Variants in P3H2 observed in about 807,000 individuals in gnomAD.
P3H2 encodes the protein leprecan-like 1.
A neutral mutation model predicts 87.0 loss-of-function variants in P3H2; 80 were observed. The observed-to-expected ratio is 0.92, with a 90% confidence interval of 0.77 to 1.11. P3H2 has a LOEUF of 1.11. Ranked by LOEUF, P3H2 falls within the 50% of genes least tolerant of loss-of-function variation. The pLI, the probability that P3H2 is intolerant of heterozygous loss-of-function variation, is 0.00. For synonymous variants in P3H2, 367 were observed against 359.3 expected (o/e 1.02, Z -0.24); for missense variants, 1,001 against 923.9 (o/e 1.08, Z -1.08).
At chr3:190,091,539 T>A (rs1727409246) in intron 1 of P3H2, among the ~76,000 whole-genome samples, 1 of 152,230 alleles carries the variant, frequency 6.6e-6, no homozygotes, top group Non-Finnish European at 1.5e-5. Flanking sequence ...TGTCTGTAAA[T>A]GGCTATTTGC....
At chr3:189,964,904 C>G (rs139450685) in intron 13 of P3H2, among the ~76,000 whole-genome samples, 433 of 152,368 alleles carry the variant, frequency 2.8e-3, no homozygotes, top group Non-Finnish European at 4.7e-3. Flanking sequence ...ATCAAACAAG[C>G]TGCCTCTTCA....
chr3:189,984,322 T>C (rs951318746), intron 7 of P3H2, among the ~76,000 whole-genome samples: 6 of 61,978 alleles, frequency 9.7e-5, no homozygotes, highest in East Asian at 1.2e-3. Context: ...AACCCTTTTT[T>C]TCCTGGAAAA....
chr3:189,996,996 A>G (rs1002476784), intron 1 of P3H2, among the ~76,000 whole-genome samples: 2 of 152,232 alleles, frequency 1.3e-5, no homozygotes, highest in African/African-American at 4.8e-5. Flanking sequence ...TTTTTAAAAA[A>G]TGGAATTAAT....
intron 1 of P3H2, among the ~76,000 whole-genome samples, chr3:190,044,107 A>G (rs1210115390): frequency 1.3e-5 from 2 of 152,230 alleles, no homozygotes; most frequent in African/African-American, 2.4e-5. Context: ...AAATAAATGC[A>G]GGGTCAAATA....
intron 8 of P3H2, among the ~76,000 whole-genome samples, chr3:189,982,088 C>T (rs1270288711): frequency 6.6e-6 from 1 of 152,118 alleles, no homozygotes; most frequent in Non-Finnish European, 1.5e-5. Flanking sequence ...TCTTGTCTTG[C>T]AATTCTTTCA....
intron 1 of P3H2, among the ~76,000 whole-genome samples, chr3:190,071,978 G>GTT (rs60227697): frequency 0.18 from 20,908 of 119,058 alleles, 1,957 homozygotes; most frequent in East Asian, 0.27. Context: ...AAGATGAAGG[G>GTT]TTTTTTTTTT....
chr3:190,096,507 C>T (rs1727592364), intron 1 of P3H2, among the ~76,000 whole-genome samples: 1 of 152,164 alleles, frequency 6.6e-6, no homozygotes, highest in African/African-American at 2.4e-5. Context: ...GTGTCAATTA[C>T]ACCTCTTTTC....
chr3:190,033,762 T>G (rs1725328990), intron 1 of P3H2, among the ~76,000 whole-genome samples: 1 of 152,220 alleles, frequency 6.6e-6, no homozygotes, highest in African/African-American at 2.4e-5. Context: ...TCCCCATGAT[T>G]TAAGCTATTT....
At chr3:190,005,883 T>C (rs1231619938) in intron 1 of P3H2, among the ~76,000 whole-genome samples, 1 of 152,220 alleles carries the variant, frequency 6.6e-6, no homozygotes, top group Non-Finnish European at 1.5e-5. Flanking sequence ...ACAGGCCACA[T>C]GCTCTTACTA....
At chr3:190,112,604 T>C (rs1399904829) in intron 1 of P3H2, among the ~76,000 whole-genome samples, 1 of 152,140 alleles carries the variant, frequency 6.6e-6, no homozygotes, top group Non-Finnish European at 1.5e-5. Context: ...AACAGGACAA[T>C]GCAGGGGTAG....
At chr3:190,010,973 C>T (rs1484857659) in intron 1 of P3H2, among the ~76,000 whole-genome samples, 1 of 152,118 alleles carries the variant, frequency 6.6e-6, no homozygotes, top group African/African-American at 2.4e-5. Flanking sequence ...CCTTGGTAGA[C>T]TCATTACGAC....
intron 11 of P3H2, among the ~76,000 whole-genome samples, chr3:189,972,374 C>T (rs1233307974): frequency 6.6e-6 from 1 of 152,108 alleles, no homozygotes; most frequent in African/African-American, 2.4e-5. Flanking sequence ...TAAAACTTCC[C>T]AAGTGTAAAA....
chr3:190,035,158 T>A (rs951709597), intron 1 of P3H2, among the ~76,000 whole-genome samples: 1 of 152,100 alleles, frequency 6.6e-6, no homozygotes, highest in Non-Finnish European at 1.5e-5. Context: ...CCCAAATGGC[T>A]ATTTTTTTCT....
intron 1 of P3H2, among the ~76,000 whole-genome samples, chr3:190,095,505 G>T (rs1039798782): frequency 3.3e-5 from 5 of 150,138 alleles, no homozygotes; most frequent in Non-Finnish European, 7.4e-5. Flanking sequence ...AATTTCTCTT[G>T]GGTTCCACAG....
intron 6 of P3H2, among the ~76,000 whole-genome samples, 186 bp downstream of exon 6, chr3:189,986,590 AAAATAAATAAAT>A (rs569382938): frequency 6.6e-6 from 1 of 152,130 alleles, no homozygotes; most frequent in South Asian, 2.1e-4. Flanking sequence ...ACTCCATCTC[AAAATAAATAAAT>A]AAATAAATAG....
chr3:190,120,130 A>G, intron 1 of P3H2, 122 bp downstream of exon 1: 2 of 1,113,150 alleles, frequency 1.8e-6, no homozygotes, highest in Non-Finnish European at 2.6e-6. Context: ...ACAAACTGAG[A>G]CACATATTTA....
At chr3:190,088,814 C>G (rs1044138199) in intron 1 of P3H2, among the ~76,000 whole-genome samples, 2 of 152,070 alleles carry the variant, frequency 1.3e-5, no homozygotes, top group Admixed American at 6.5e-5. Context: ...TTTATATATA[C>G]TACAGCCTTG....
intron 1 of P3H2, 54 bp from the exon 2 acceptor site, chr3:189,995,496 CAG>C (rs1724026622): frequency 1.3e-6 from 2 of 1,556,898 alleles, no homozygotes; most frequent in Admixed American, 3.4e-5. Context: ...AAATCACACT[CAG>C]AGAAATACAA....
chr3:190,057,849 G>A lies in P3H2; in HGVS notation c.480+62403C>T, dbSNP rs576916010. ...AGCAGTAGGAATCTATTTTCAGAGT[G>A]TAAGGAAGATGGGTGAGTTCTTGAG... On this transcript the variant is annotated intron_variant, in intron 1 of 14. Transcript: ENST00000319332. Among the ~76,000 whole-genome samples the A allele has an allele frequency of 5.6e-4, 85 of 152,268 alleles. 1 individual carries two copies. Among genetic ancestry groups the A allele is most frequent in the Admixed American group, 3.5e-3 (53 of 15,288 alleles).
Sources: allele counts gnomAD v4.1 joint callset (sites outside exome capture counted in the v4.1 genomes callset), GRCh38; gene constraint gnomAD v4.1.1; transcripts MANE v1.5; gene names NCBI Gene and HGNC (gene_info 2026-07-23, HGNC 2026-07-21).